EIF4B: variants seen among roughly 807,000 people sequenced by gnomAD.
EIF4B encodes eukaryotic translation initiation factor 4B.
In EIF4B, 8 loss-of-function variants were observed where a neutral mutation model predicts 79.3. The observed-to-expected ratio is 0.10, with a 90% CI of 0.06 to 0.18. EIF4B has a LOEUF of 0.18. Ranked by LOEUF, EIF4B falls within the 10% of genes least tolerant of loss-of-function variation. The pLI is 1.00. For synonymous variants in EIF4B, 238 were observed against 274.7 expected (o/e 0.87, Z 1.32); for missense variants, 515 against 792.4 (o/e 0.65, Z 4.20).
At chr12:53,034,778 A>C in intron 10 of EIF4B, 69 bp downstream of exon 10, 2 of 1,537,860 alleles carry the variant, frequency 1.3e-6, no homozygotes, top group Non-Finnish European at 1.8e-6. Context: ...CAAATTATGC[A>C]GAGACCCTGC....
chr12:53,017,465 GAAT>G (rs1024379112), intron 2 of EIF4B, among the ~76,000 whole-genome samples: 8 of 152,106 alleles, frequency 5.3e-5, no homozygotes, highest in African/African-American at 1.9e-4. Flanking sequence ...GAGTCGCCAG[GAAT>G]AATAAGGAGC....
chr12:53,029,915 G>A (rs544112018), intron 8 of EIF4B, among the ~76,000 whole-genome samples: 1 of 74,898 alleles, frequency 1.3e-5, no homozygotes, highest in South Asian at 5.4e-4. Context: ...ATAATTCAAT[G>A]TTTGTTTTTT....
chr12:53,009,691 G>A (rs952772881), intron 1 of EIF4B, among the ~76,000 whole-genome samples: 1 of 152,104 alleles, frequency 6.6e-6, no homozygotes, highest in Non-Finnish European at 1.5e-5. Flanking sequence ...TTTAAGGGGT[G>A]CCATTATATA....
chr12:53,036,378 C>T (rs1943541436), intron 10 of EIF4B, among the ~76,000 whole-genome samples: 3 of 152,280 alleles, frequency 2.0e-5, no homozygotes, highest in South Asian at 4.1e-4. Flanking sequence ...TCCCAAAGTG[C>T]TGGGATTACG....
chr12:53,008,986 G>A (rs561817048), intron 1 of EIF4B, among the ~76,000 whole-genome samples: 96 of 152,288 alleles, frequency 6.3e-4, no homozygotes, highest in African/African-American at 2.2e-3. Flanking sequence ...AGTGAACCGA[G>A]ATTGTGCCAT....
intron 14 of EIF4B, 61 bp downstream of exon 14, chr12:53,039,763 ATTCT>A: frequency 1.3e-6 from 2 of 1,527,370 alleles, no homozygotes; most frequent in Non-Finnish European, 1.8e-6. Flanking sequence ...AATTCTAAGT[ATTCT>A]TACTAAGAAT....
chr12:53,007,377 C>A (rs977275266), intron 1 of EIF4B, among the ~76,000 whole-genome samples: 2 of 147,514 alleles, frequency 1.4e-5, no homozygotes, highest in Non-Finnish European at 3.0e-5. Context: ...TCCGGCGCTT[C>A]CATGTTGGTT....
intron 8 of EIF4B, 81 bp downstream of exon 8, chr12:53,028,269 T>C (rs1565589905): frequency 2.0e-6 from 3 of 1,488,310 alleles, no homozygotes; most frequent in South Asian, 2.7e-5. Flanking sequence ...TACGAACTAC[T>C]GAGTTGGGCA....
chr12:53,032,198 T>TTGGGAAGCCA (rs1216877268), intron 8 of EIF4B, among the ~76,000 whole-genome samples: 4 of 152,146 alleles, frequency 2.6e-5, no homozygotes, highest in Non-Finnish European at 5.9e-5. Flanking sequence ...TAACAGCACT[T>TTGGGAAGCCA]TGGGAAGCCA....
intron 1 of EIF4B, chr12:53,008,591 T>C (rs1367983416): frequency 1.3e-5 from 2 of 152,230 alleles, no homozygotes; most frequent in Admixed American, 6.5e-5. Flanking sequence ...AAAAAATTCT[T>C]TGCAGCAATA....
intron 14 of EIF4B, 199 bp from the exon 15 acceptor site, chr12:53,039,944 T>A: frequency 1.4e-6 from 1 of 706,748 alleles, no homozygotes; most frequent in Non-Finnish European, 2.3e-6. Context: ...GGTGTAGAGG[T>A]GGTATGAGAC....
intron 13 of EIF4B, 105 bp downstream of exon 13, chr12:53,039,448 A>G (rs1943593076): frequency 2.4e-6 from 3 of 1,241,762 alleles, no homozygotes; most frequent in Admixed American, 5.2e-5. Flanking sequence ...CATTGTGAGC[A>G]AACTAAAGTC....
chr12:53,022,062 CATAAGTAGAAT>C, intron 5 of EIF4B: 1 of 656,076 alleles, frequency 1.5e-6, no homozygotes, highest in Non-Finnish European at 2.6e-6. Flanking sequence ...GTGCTGCTGA[CATAAGTAGAAT>C]CCAGGGGTTA....
chr12:53,022,042 A>G (rs1308484485), intron 5 of EIF4B, 182 bp downstream of exon 5: 10 of 691,052 alleles, frequency 1.4e-5, no homozygotes, highest in East Asian at 8.1e-5. Context: ...AGTTGTCACA[A>G]TTGGAGGGAG....
intron 8 of EIF4B, 53 bp from the exon 9 acceptor site, chr12:53,033,753 C>T: frequency 6.6e-7 from 1 of 1,523,514 alleles, no homozygotes; most frequent in South Asian, 1.3e-5. Context: ...TGGCTTTCAG[C>T]CATCAGCTTC....
chr12:53,028,211 C>T, intron 8 of EIF4B, 23 bp downstream of exon 8: 1 of 1,543,574 alleles, frequency 6.5e-7, no homozygotes, highest in Non-Finnish European at 8.7e-7. Context: ...TTTTTACGTA[C>T]TTCATGGAGC....
chr12:53,030,059 A>C (rs1943407935), intron 8 of EIF4B, among the ~76,000 whole-genome samples: 1 of 48,086 alleles, frequency 2.1e-5, no homozygotes, highest in South Asian at 7.8e-4. Context: ...CCATCTCTGC[A>C]AAAAATACAA....
intron 11 of EIF4B, chr12:53,037,855 A>G (rs1943565100): frequency 3.6e-6 from 2 of 557,504 alleles, no homozygotes; most frequent in East Asian, 3.1e-5. Flanking sequence ...ATGCCGCACA[A>G]ATCTGCAAAT....
rs568256028 is a variant in EIF4B, at chr12:53,027,691, C to G, written c.668-91C>G. 9.0e-6 allele frequency: 13 copies of G among 1,451,200 alleles called. No individual in the cohort carries two copies. The African/African-American group carries it at 1.7e-4, about 19-fold the overall frequency. 89.9% of individuals were successfully genotyped at this position (1,451,200 alleles called of 1,614,324 possible). ...AAATCAGATAGAAAATTTAAATAAA[C>G]AGATTCTTCCAAATTGGACTGATAG... On this transcript the variant is annotated intron_variant, in intron 6 of 14. Coordinates refer to ENST00000262056, the MANE Select transcript of EIF4B (RefSeq NM_001417.7).
Sources: allele counts gnomAD v4.1 joint callset (sites outside exome capture counted in the v4.1 genomes callset), GRCh38; gene constraint gnomAD v4.1.1; transcripts MANE v1.5; gene names NCBI Gene and HGNC (gene_info 2026-07-23, HGNC 2026-07-21).